Variants in ZBTB20 observed in about 807,000 individuals in gnomAD.
The protein encoded by ZBTB20 is zinc finger and BTB domain containing 20, also known as zinc finger and BTB domain-containing protein 20.
A neutral mutation model predicts 56.9 loss-of-function variants in ZBTB20; 9 were observed. The observed-to-expected ratio is 0.16, with a 90% CI of 0.10 to 0.28. The LOEUF is 0.28. Ranked by LOEUF, ZBTB20 falls within the 10% of genes least tolerant of loss-of-function variation. ZBTB20 has a pLI of 1.00. For synonymous variants in ZBTB20, 417 were observed against 420.7 expected, an observed-to-expected ratio of 0.99 and a Z score of 0.11; for missense variants, 655 against 1,003.0, an observed-to-expected ratio of 0.65 and a Z score of 4.69.
At chr3:114,844,989 G>A (rs2074621139) in intron 4 of ZBTB20, among the ~76,000 whole-genome samples, 1 of 147,020 alleles carries the variant, frequency 6.8e-6, no homozygotes, top group South Asian at 2.2e-4. Context: ...TATATTCTTT[G>A]CAAATATTTT....
intron 6 of ZBTB20, among the ~76,000 whole-genome samples, chr3:114,678,369 C>T (rs1241781826): frequency 6.6e-6 from 1 of 151,988 alleles, no homozygotes; most frequent in African/African-American, 2.4e-5. Flanking sequence ...AAAATTGATC[C>T]TACTGTATTA....
intron 7 of ZBTB20, among the ~76,000 whole-genome samples, chr3:114,477,093 A>G (rs1417489857): frequency 6.6e-6 from 1 of 152,236 alleles, no homozygotes; most frequent in Non-Finnish European, 1.5e-5. Context: ...GAAAAAGCAA[A>G]ATACTGGTTG....
At chr3:115,083,429 A>G (rs1576738021) in intron 1 of ZBTB20, among the ~76,000 whole-genome samples, 1 of 152,000 alleles carries the variant, frequency 6.6e-6, no homozygotes, top group Non-Finnish European at 1.5e-5. Flanking sequence ...AAATACCAAA[A>G]AAGTCTGTAT....
At chr3:114,503,556 T>A (rs776309291) in intron 6 of ZBTB20, among the ~76,000 whole-genome samples, 3 of 152,260 alleles carry the variant, frequency 2.0e-5, no homozygotes, top group Non-Finnish European at 2.9e-5. Context: ...GTCTATAAGT[T>A]GTTTTTATCT....
chr3:115,058,163 C>T (rs1018045570), intron 2 of ZBTB20, among the ~76,000 whole-genome samples: 1 of 152,038 alleles, frequency 6.6e-6, no homozygotes, highest in Non-Finnish European at 1.5e-5. Flanking sequence ...ACTACAATTC[C>T]CGATGAGATT....
intron 1 of ZBTB20, among the ~76,000 whole-genome samples, chr3:115,097,435 G>A (rs2083421741): frequency 6.6e-6 from 1 of 151,864 alleles, no homozygotes; most frequent in African/African-American, 2.4e-5. Context: ...GCCCGCCTCG[G>A]CCTCCCAAAG....
At chr3:114,477,760 G>A (rs1297864675) in intron 7 of ZBTB20, among the ~76,000 whole-genome samples, 1 of 151,870 alleles carries the variant, frequency 6.6e-6, no homozygotes, top group African/African-American at 2.4e-5. Context: ...CTTCCAAAGT[G>A]CTGGCATTAC....
At chr3:114,619,203 A>G (rs945092067) in intron 6 of ZBTB20, among the ~76,000 whole-genome samples, 34 of 152,212 alleles carry the variant, frequency 2.2e-4, no homozygotes, top group Admixed American at 1.8e-3. Context: ...ATTCAATAAC[A>G]AAACATTTCA....
intron 5 of ZBTB20, among the ~76,000 whole-genome samples, chr3:114,751,190 A>G (rs917860210): frequency 3.3e-5 from 5 of 152,124 alleles, no homozygotes; most frequent in African/African-American, 1.2e-4. Context: ...TATACACAGG[A>G]CTTTTATGTG....
intron 7 of ZBTB20, among the ~76,000 whole-genome samples, chr3:114,484,439 C>T (rs2041884112): frequency 6.6e-6 from 1 of 152,192 alleles, no homozygotes; most frequent in African/African-American, 2.4e-5. Flanking sequence ...ATCTGCCAGA[C>T]AAGCTCTTCG....
At chr3:114,397,547 T>C (rs1370928875) in intron 7 of ZBTB20, among the ~76,000 whole-genome samples, 3 of 151,754 alleles carry the variant, frequency 2.0e-5, no homozygotes, top group Admixed American at 6.6e-5. Context: ...CAATTTCTAA[T>C]AGTACTAGAT....
At chr3:114,517,753 T>C (rs757987602) in intron 6 of ZBTB20, among the ~76,000 whole-genome samples, 1 of 151,962 alleles carries the variant, frequency 6.6e-6, no homozygotes, top group Non-Finnish European at 1.5e-5. Flanking sequence ...TTTTTGTATT[T>C]TTAGTAGAGA....
intron 4 of ZBTB20, among the ~76,000 whole-genome samples, chr3:114,820,778 A>C (rs892184339): frequency 6.6e-6 from 1 of 152,086 alleles, no homozygotes; most frequent in African/African-American, 2.4e-5. Flanking sequence ...GAACACAATA[A>C]TTTTCCTGAA....
At chr3:114,527,061 A>G (rs2047305355) in intron 6 of ZBTB20, among the ~76,000 whole-genome samples, 1 of 152,188 alleles carries the variant, frequency 6.6e-6, no homozygotes, top group Admixed American at 6.5e-5. Flanking sequence ...AAGCTGCTCT[A>G]TGAAAACGGC....
At chr3:114,912,800 T>C (rs2075595264) in intron 3 of ZBTB20, among the ~76,000 whole-genome samples, 1 of 151,934 alleles carries the variant, frequency 6.6e-6, no homozygotes, top group Non-Finnish European at 1.5e-5. Flanking sequence ...GTCATTCTAC[T>C]CTCTATCTCC....
intron 6 of ZBTB20, among the ~76,000 whole-genome samples, chr3:114,558,578 A>G (rs2051566726): frequency 6.6e-6 from 1 of 152,122 alleles, no homozygotes; most frequent in South Asian, 2.1e-4. Flanking sequence ...TTACACTGCC[A>G]TGAGATTAAT....
intron 3 of ZBTB20, among the ~76,000 whole-genome samples, chr3:114,920,040 AATG>A (rs1259479566): frequency 6.6e-6 from 1 of 152,222 alleles, no homozygotes; most frequent in Non-Finnish European, 1.5e-5. Flanking sequence ...AAGGTCATTA[AATG>A]ATAATAAAGT....
intron 1 of ZBTB20, among the ~76,000 whole-genome samples, chr3:115,086,012 C>G (rs768762012): frequency 7.2e-5 from 11 of 151,820 alleles, no homozygotes; most frequent in Non-Finnish European, 7.4e-5. Flanking sequence ...ATTTCTTTCT[C>G]TATTTTTTAG....
At chr3:114,783,590 T>A (rs753069316) in intron 5 of ZBTB20, among the ~76,000 whole-genome samples, 1 of 151,794 alleles carries the variant, frequency 6.6e-6, no homozygotes, top group Non-Finnish European at 1.5e-5. Flanking sequence ...GGTCACGAGA[T>A]CGAGACCAGC....
Sources: gnomAD v4.1 joint callset for allele counts (sites outside exome capture counted in the v4.1 genomes callset) on GRCh38, gnomAD v4.1.1 for gene constraint, MANE v1.5 for transcripts, NCBI Gene and HGNC (gene_info 2026-07-23, HGNC 2026-07-21) for gene names.